EXOC5: variants seen among roughly 807,000 people sequenced by gnomAD.
The protein encoded by EXOC5 is exocyst complex component 5.
EXOC5 carries 17 observed loss-of-function variants against 90.8 expected under a neutral mutation model. The ratio of observed to expected loss-of-function variants is 0.19; its 90% confidence interval spans 0.13 to 0.28. EXOC5 has a LOEUF of 0.28. Ranked by LOEUF, EXOC5 falls within the 10% of genes least tolerant of loss-of-function variation. The pLI, the probability that EXOC5 is intolerant of heterozygous loss-of-function variation, is 1.00. For synonymous variants in EXOC5, 260 were observed against 270.0 expected (o/e 0.96, Z 0.36); for missense variants, 569 against 830.6 (o/e 0.69, Z 3.87).
chr14:57,245,228 T>C (rs17721685), intron 3 of EXOC5, among the ~76,000 whole-genome samples: 1 of 152,116 alleles, frequency 6.6e-6, no homozygotes, highest in African/African-American at 2.4e-5. Flanking sequence ...TGCCTTGTAA[T>C]TGCCAACAGT....
intron 12 of EXOC5, among the ~76,000 whole-genome samples, chr14:57,228,257 A>C (rs1883371210): frequency 6.6e-6 from 1 of 152,208 alleles, no homozygotes; most frequent in South Asian, 2.1e-4. Flanking sequence ...TGCTGGTGGG[A>C]GTGTAAACTA....
At chr14:57,222,259 C>T in intron 13 of EXOC5, 49 bp downstream of exon 13, 1 of 906,316 alleles carries the variant, frequency 1.1e-6, no homozygotes, top group Non-Finnish European at 1.7e-6. Flanking sequence ...ATAGTTTAAC[C>T]AAGCAGAATC....
At chr14:57,238,277 T>C (rs1307748002) in intron 5 of EXOC5, among the ~76,000 whole-genome samples, 2 of 143,054 alleles carry the variant, frequency 1.4e-5, no homozygotes, top group African/African-American at 5.1e-5. Flanking sequence ...ACCACTCAGG[T>C]ACATACTTCT....
Position 57,205,990 on chromosome 14 carries a change from T to C in EXOC5, c.*2619A>G. 1 of 456,004 alleles carries C rather than the reference T, an allele frequency of 2.2e-6. No individual in the cohort carries two copies. 28.2% of individuals were successfully genotyped at this position (456,004 alleles called of 1,614,324 possible). Reference sequence around the variant, plus strand: ...CTTCATCTACTCTGGTTGACTGTCATTTTCAACATCATAATTTACATAAGG... The same window carrying C: ...CTTCATCTACTCTGGTTGACTGTCACTTTCAACATCATAATTTACATAAGG... On this transcript the variant is annotated 3_prime_UTR_variant, in exon 18 of 18. Transcript: ENST00000621441.
At chr14:57,223,234 T>C (rs901183809) in intron 12 of EXOC5, among the ~76,000 whole-genome samples, 5 of 152,122 alleles carry the variant, frequency 3.3e-5, no homozygotes, top group African/African-American at 1.2e-4. Flanking sequence ...TTAGTAAAAT[T>C]ATTAGTTATG....
intron 12 of EXOC5, among the ~76,000 whole-genome samples, chr14:57,227,822 T>C (rs1883354255): frequency 1.3e-5 from 2 of 152,102 alleles, no homozygotes; most frequent in Admixed American, 1.3e-4. Flanking sequence ...TCAACATAAA[T>C]AATTAAGACT....
chr14:57,238,185 G>C (rs1053489618), intron 5 of EXOC5, among the ~76,000 whole-genome samples: 3 of 148,794 alleles, frequency 2.0e-5, no homozygotes, highest in Non-Finnish European at 4.5e-5. Flanking sequence ...TGAAAAAATT[G>C]AATCTATTTA....
intron 1 of EXOC5, among the ~76,000 whole-genome samples, chr14:57,260,162 T>C (rs1293326105): frequency 6.6e-6 from 1 of 152,204 alleles, no homozygotes; most frequent in African/African-American, 2.4e-5. Flanking sequence ...GTGAGATTCT[T>C]TACGTGTTTT....
At chr14:57,236,283 T>C (rs1175246857) in intron 6 of EXOC5, among the ~76,000 whole-genome samples, 1 of 147,930 alleles carries the variant, frequency 6.8e-6, no homozygotes. Context: ...ATTTTTTTCA[T>C]TTTCTTTTTT....
rs1882548596 is a variant in EXOC5 at position 57,202,953 on chromosome 14, T to C, written c.*5656A>G. On this transcript the variant is annotated 3_prime_UTR_variant, in exon 18 of 18. Coordinates refer to ENST00000621441, the MANE Select transcript of EXOC5 (RefSeq NM_006544.4). ...CTTAAGAGAGGCACTTAGGTATTAT[T>C]CCTTATAAAATATTTTCACATAACT... 6.6e-6 allele frequency: 1 copy of C among 152,206 alleles called. No homozygotes were observed. Among genetic ancestry groups the C allele is most frequent in the Admixed American group, 6.5e-5 (1 of 15,274 alleles). 9.4% of individuals were successfully genotyped at this position (152,206 alleles called of 1,614,324 possible). A position where few individuals can be genotyped will look rare whatever the true frequency, so the allele number is the denominator to read the frequency against.
In EXOC5 at chr14:57,206,003, A is replaced by G. The variant is rs1882640350; in HGVS notation, c.*2606T>C. The G allele has an allele frequency of 2.2e-6, 1 of 455,128 alleles. No individual in the cohort carries two copies. The highest frequency in any genetic ancestry group is 4.4e-6 in the Non-Finnish European group (1 of 226,424). 28.2% of individuals were successfully genotyped at this position (455,128 alleles called of 1,614,324 possible). ...GGTTGACTGTCATTTTCAACATCATAATTTACATAAGGTAGGCTTCCTTTA... is the reference window on the plus strand; with the variant it reads ...GGTTGACTGTCATTTTCAACATCATGATTTACATAAGGTAGGCTTCCTTTA... On this transcript the variant is annotated 3_prime_UTR_variant, in exon 18 of 18. Transcript: ENST00000621441.
At chr14:57,259,867 A>C (rs549407259) in intron 1 of EXOC5, among the ~76,000 whole-genome samples, 1 of 152,352 alleles carries the variant, frequency 6.6e-6, no homozygotes, top group South Asian at 2.1e-4. Flanking sequence ...TGTAGTCAAC[A>C]GAACAATGCC....
rs1408013708 is a variant in EXOC5 at position 57,201,573 on chromosome 14, T to TATATAC, written c.*7035_*7036insGTATAT. ...TATTTTTATATATATTAATATTATATATATATATATATATATATATATAAA... is the reference window on the plus strand; with the variant it reads ...TATTTTTATATATATTAATATTATATATATACATATATATATATATATATATATAAA... On this transcript the variant is annotated 3_prime_UTR_variant, in exon 18 of 18. Transcript: ENST00000621441. 1 of 78,130 alleles carries TATATAC rather than the reference T, an allele frequency of 1.3e-5. No homozygotes were observed. Among genetic ancestry groups the TATATAC allele is most frequent in the Non-Finnish European group, 2.1e-5 (1 of 46,966 alleles). The allele number at this position is 78,130 out of a possible 1,614,324, so 4.8% of individuals were successfully genotyped here. A position where few individuals can be genotyped will look rare whatever the true frequency, so the allele number is the denominator to read the frequency against.
rs935631428 is a variant in EXOC5, at chr14:57,213,539, C to T, written c.1614-3478G>A. On this transcript the variant is annotated intron_variant, in intron 15 of 17. Coordinates refer to ENST00000621441, the MANE Select transcript of EXOC5 (RefSeq NM_006544.4). The stretch of plus-strand genomic sequence containing the variant: ...TCCCCTGCCTCAGCCTCCCGAGTAG[C>T]TGGGATTACAGGCTCCTGCCACCAT... Among the ~76,000 whole-genome samples the T allele has an allele frequency of 7.9e-5, 12 of 151,946 alleles. No homozygotes were observed. In the East Asian group the frequency reaches 1.2e-3, roughly 15 times the overall value.
chr14:57,211,973 C>T (rs1882841957), intron 15 of EXOC5, among the ~76,000 whole-genome samples: 2 of 152,184 alleles, frequency 1.3e-5, no homozygotes, highest in South Asian at 4.1e-4. Flanking sequence ...GATCCACCTA[C>T]CTCAGCCTCC....
chr14:57,242,062 G>A (rs970709851), intron 4 of EXOC5, among the ~76,000 whole-genome samples: 4 of 151,132 alleles, frequency 2.6e-5, no homozygotes, highest in African/African-American at 9.7e-5. Context: ...GAACCCAGGA[G>A]GCGGAGGTTG....
chr14:57,225,338 G>A lies in EXOC5; in HGVS notation c.1297-2922C>T, dbSNP rs146741002. Among the ~76,000 whole-genome samples, 252 of 152,152 alleles carry A rather than the reference G, an allele frequency of 1.7e-3. 2 individuals are homozygous for A. The highest frequency in any genetic ancestry group is 2.8e-3 in the Admixed American group (43 of 15,284). ...TAGGATAAAATAATTTTCTCAATCT[G>A]AAAAAGAACATCTATGAAAAACCCA... is the stretch of plus-strand genomic sequence containing the variant. On this transcript the variant is annotated intron_variant, in intron 12 of 17. Coordinates refer to ENST00000621441, the MANE Select transcript of EXOC5 (RefSeq NM_006544.4).
chr14:57,222,853 G>GT (rs1189603188), intron 12 of EXOC5, among the ~76,000 whole-genome samples: 1 of 151,402 alleles, frequency 6.6e-6, no homozygotes, highest in Non-Finnish European at 1.5e-5. Context: ...ATTTCTTACT[G>GT]TGGGCCAAAG....
chr14:57,231,144 G>A (rs918102359), intron 11 of EXOC5, among the ~76,000 whole-genome samples: 1 of 151,914 alleles, frequency 6.6e-6, no homozygotes, highest in East Asian at 1.9e-4. Flanking sequence ...TAATGGCTGG[G>A]ATTACAGGTG....
Sources: gnomAD v4.1 joint callset for allele counts (sites outside exome capture counted in the v4.1 genomes callset) on GRCh38, gnomAD v4.1.1 for gene constraint, MANE v1.5 for transcripts, NCBI Gene and HGNC (gene_info 2026-07-23, HGNC 2026-07-21) for gene names.